Variants in LPIN1 observed in about 807,000 individuals in gnomAD.
LPIN1 encodes lipin 1.
LPIN1 carries 71 observed loss-of-function variants against 107.5 expected under a neutral mutation model. The ratio of observed to expected loss-of-function variants is 0.66; its 90% CI spans 0.55 to 0.80. LPIN1 has a LOEUF of 0.80. Among genes scored for constraint, LPIN1 ranks in the 30% least tolerant of loss-of-function variants. LPIN1 has a pLI of 0.00. For synonymous variants in LPIN1, 445 were observed against 452.6 expected (o/e 0.98, Z 0.21); for missense variants, 1,043 against 1,160.6 (o/e 0.90, Z 1.47).
At chr2:11,823,939 G>A (rs1177900801) in intron 20 of LPIN1, among the ~76,000 whole-genome samples, 2 of 152,136 alleles carry the variant, frequency 1.3e-5, no homozygotes, top group East Asian at 3.8e-4. Context: ...GAGAGCCCGG[G>A]TCTCTTGACC....
upstream of LPIN1, among the ~76,000 whole-genome samples, chr2:11,719,793 T>TC (rs1664001438): frequency 7.8e-6 from 1 of 128,456 alleles, no homozygotes; most frequent in Admixed American, 7.6e-5. Flanking sequence ...AATTGCTTCT[T>TC]TTTTTTTTTT....
chr2:11,762,129 A>G (rs1190536824), intron 1 of LPIN1, among the ~76,000 whole-genome samples: 2 of 151,948 alleles, frequency 1.3e-5, no homozygotes, highest in Non-Finnish European at 2.9e-5. Context: ...TCCTTTGTGG[A>G]TCGGCTCACG....
chr2:11,692,014 T>A (rs1294555556), intron 1 of LPIN1, among the ~76,000 whole-genome samples: 1 of 152,256 alleles, frequency 6.6e-6, no homozygotes, highest in Non-Finnish European at 1.5e-5. Context: ...GCCTTTTCCT[T>A]AGCAGAGTTG....
chr2:11,709,151 A>G (rs886641447), intron 1 of LPIN1, among the ~76,000 whole-genome samples: 2 of 152,148 alleles, frequency 1.3e-5, no homozygotes, highest in Admixed American at 6.5e-5. Flanking sequence ...CTTACATAAA[A>G]CATCATCCCT....
intron 1 of LPIN1, among the ~76,000 whole-genome samples, chr2:11,683,671 C>G (rs1211773776): frequency 6.6e-6 from 1 of 152,198 alleles, no homozygotes. Context: ...GCGTGGCTTC[C>G]CCCCAATGCT....
chr2:11,789,785 G>C (rs1675376144), intron 12 of LPIN1, among the ~76,000 whole-genome samples: 1 of 140,898 alleles, frequency 7.1e-6, no homozygotes, highest in African/African-American at 2.6e-5. Context: ...CATTGCAATA[G>C]CAATATAGCT....
chr2:11,738,474 G>A (rs73183110), intron 1 of LPIN1, among the ~76,000 whole-genome samples: 5,688 of 151,656 alleles, frequency 0.038, 332 homozygotes, highest in African/African-American at 0.13. Flanking sequence ...AGCCAGCACC[G>A]CTGCTGGGGA....
At chr2:11,784,841 C>G in intron 9 of LPIN1, 45 bp from the exon 10 acceptor site, 1 of 1,596,586 alleles carries the variant, frequency 6.3e-7, no homozygotes. Flanking sequence ...GGACCCTGAA[C>G]TGGGACAGTC....
At chr2:11,808,753 A>G (rs578071753) in intron 17 of LPIN1, among the ~76,000 whole-genome samples, 257 of 152,020 alleles carry the variant, frequency 1.7e-3, no homozygotes, top group Non-Finnish European at 3.2e-3. Context: ...GGGTGCCTGT[A>G]ATCCCAGCTG....
intron 2 of LPIN1, among the ~76,000 whole-genome samples, chr2:11,766,695 GA>G (rs1476384362): frequency 2.6e-5 from 4 of 152,180 alleles, no homozygotes; most frequent in Non-Finnish European, 5.9e-5. Flanking sequence ...CAGAGGAAGG[GA>G]AAACCCTCAG....
chr2:11,753,245 T>C (rs1236192250), intron 1 of LPIN1, among the ~76,000 whole-genome samples: 2 of 152,194 alleles, frequency 1.3e-5, no homozygotes, highest in Non-Finnish European at 2.9e-5. Flanking sequence ...CTGTTTTTGC[T>C]CTTTCATCAC....
At chr2:11,779,685 T>C in intron 7 of LPIN1, 40 bp downstream of exon 7, 1 of 1,612,318 alleles carries the variant, frequency 6.2e-7, no homozygotes, top group Non-Finnish European at 8.5e-7. Flanking sequence ...CGAAGATTTC[T>C]AACTCAGCTT....
At chr2:11,784,431 G>C in intron 9 of LPIN1, 1 of 1,113,066 alleles carries the variant, frequency 9.0e-7, no homozygotes, top group Non-Finnish European at 1.1e-6. Context: ...GGACAGGGGC[G>C]CAGCACCGGG....
chr2:11,723,229 C>T (rs143155193), upstream of LPIN1, among the ~76,000 whole-genome samples: 21 of 152,306 alleles, frequency 1.4e-4, no homozygotes, highest in East Asian at 3.9e-3. Context: ...TGAGATGACC[C>T]ATGGTTCATG....
At chr2:11,785,871 G>A (rs567102170) in intron 10 of LPIN1, among the ~76,000 whole-genome samples, 4 of 152,144 alleles carry the variant, frequency 2.6e-5, no homozygotes, top group Non-Finnish European at 2.9e-5. Context: ...TCTCACGCCC[G>A]TGCCAGCCAG....
At position 11,803,479 on chromosome 2, in the gene LPIN1, A is replaced by G. The variant is rs973847992; in HGVS notation, c.2013+446A>G. On this transcript the variant is annotated intron_variant, in intron 15 of 20. Coordinates refer to ENST00000674199, the MANE Select transcript of LPIN1 (RefSeq NM_001349206.2). The surrounding 1 kb of genome is among the most constrained non-coding windows in gnomAD (Gnocchi z 4.2). ...AGGTAACCAGGGGCATCACCTGGTCATGGTGTCCTTTTATTTTTCTGTGTG... is the reference window on the plus strand; with the variant it reads ...AGGTAACCAGGGGCATCACCTGGTCGTGGTGTCCTTTTATTTTTCTGTGTG... Among the ~76,000 whole-genome samples the G allele has an allele frequency of 6.6e-6, 1 of 152,350 alleles. No individual in the cohort carries two copies. Among genetic ancestry groups the G allele is most frequent in the Non-Finnish European group, 1.5e-5 (1 of 68,030 alleles).
intron 1 of LPIN1, among the ~76,000 whole-genome samples, chr2:11,709,178 C>A (rs994302363): frequency 6.6e-6 from 1 of 152,206 alleles, no homozygotes; most frequent in African/African-American, 2.4e-5. Flanking sequence ...CCATCTCCCC[C>A]CTACTCAGAG....
At chr2:11,762,137 A>G (rs1257683452) in intron 1 of LPIN1, among the ~76,000 whole-genome samples, 1 of 151,968 alleles carries the variant, frequency 6.6e-6, no homozygotes, top group Admixed American at 6.6e-5. Flanking sequence ...GGATCGGCTC[A>G]CGGAACTCAG....
rs143553581 is a variant in LPIN1 at position 11,795,606 on chromosome 2, A to T, written c.1886+119A>T. 1.8e-3 allele frequency: 1,719 copies of T among 953,632 alleles called. 4 individuals carry two copies. The highest frequency in any genetic ancestry group is 2.6e-3 in the Non-Finnish European group (1,532 of 590,302). The allele number at this position is 953,632 out of a possible 1,614,324, so 59.1% of individuals were successfully genotyped here. The stretch of plus-strand genomic sequence containing the variant: ...AGTTCCAACTCTGGCTCTGTGATTC[A>T]CTTGGTGACCTGGAGCAATTTATTT... On this transcript the variant is annotated intron_variant, in intron 14 of 20. Transcript: ENST00000674199.
Sources: allele counts gnomAD v4.1 joint callset (sites outside exome capture counted in the v4.1 genomes callset), GRCh38; gene constraint gnomAD v4.1.1; non-coding constraint Gnocchi (gnomAD v3.1); transcripts MANE v1.5; gene names NCBI Gene and HGNC (gene_info 2026-07-23, HGNC 2026-07-21).